Variants in FAHD2A observed in about 807,000 individuals in gnomAD.
FAHD2A encodes oxaloacetate tautomerase FAHD2A, mitochondrial.
In FAHD2A, 27 loss-of-function variants were observed where a neutral mutation model predicts 33.4. The ratio of observed to expected loss-of-function variants is 0.81; its 90% confidence interval spans 0.60 to 1.11. The LOEUF (loss-of-function observed/expected upper bound fraction) is 1.11, where lower values mean the gene tolerates loss of function less well. FAHD2A is among the 50% of genes most tolerant of loss of function. The pLI, the probability that FAHD2A is intolerant of heterozygous loss-of-function variation, is 0.00. For missense variants in FAHD2A, 296 were observed against 395.0 expected, an observed-to-expected ratio of 0.75 and a Z score of 2.12; for synonymous variants, 130 against 153.3, an observed-to-expected ratio of 0.85 and a Z score of 1.12.
At chr2:95,404,728 C>T (rs1351034542) in intron 1 of FAHD2A, among the ~76,000 whole-genome samples, 1 of 152,250 alleles carries the variant, frequency 6.6e-6, no homozygotes, top group Non-Finnish European at 1.5e-5. Flanking sequence ...CTTCTGTGCA[C>T]CAGGCACAGT....
rs1682790701 is a variant in FAHD2A at position 95,413,001 on chromosome 2, C to G, written c.*44C>G. On this transcript the variant is annotated 3_prime_UTR_variant, in exon 8 of 8. Coordinates refer to ENST00000233379, the MANE Select transcript of FAHD2A (RefSeq NM_016044.3). Reference sequence around the variant, plus strand: ...TGCACATAGGATGAGGGCATCTGCTCCCACTCAGCCTAGCCCAGGGAAAGG... The same window carrying G: ...TGCACATAGGATGAGGGCATCTGCTGCCACTCAGCCTAGCCCAGGGAAAGG... The G allele has an allele frequency of 6.2e-7, 1 of 1,608,038 alleles. No homozygotes were observed. The highest frequency in any genetic ancestry group is 2.2e-5 in the East Asian group (1 of 44,790).
intron 5 of FAHD2A, among the ~76,000 whole-genome samples, chr2:95,411,584 G>GCCTCAGCACCCCATGCAGAGT (rs1197620708): frequency 1.3e-5 from 2 of 152,220 alleles, no homozygotes; most frequent in Non-Finnish European, 2.9e-5. Context: ...AGACCCCAGT[G>GCCTCAGCACCCCATGCAGAGT]CCTCAGCACC....
intron 1 of FAHD2A, 199 bp downstream of exon 1, chr2:95,403,071 G>A (rs1379319479): frequency 6.6e-6 from 1 of 152,504 alleles, no homozygotes; most frequent in Non-Finnish European, 1.5e-5. Context: ...CAGGCGAGTG[G>A]ACGGTGGGAT....
Position 95,405,554 on chromosome 2 carries a change from C to T in FAHD2A, c.-5C>T. 1.9e-6 allele frequency: 3 copies of T among 1,609,382 alleles called. No homozygotes were observed. In the South Asian group the frequency reaches 3.3e-5, roughly 18 times the overall value. The stretch of plus-strand genomic sequence containing the variant: ...TGGATCCTGCATTTTTCTCTGCAGG[C>T]TCTGATGCTGGTGTCTGGTAGAAGA... On this transcript the variant is annotated splice_region_variant and 5_prime_UTR_variant, in exon 2 of 8. Coordinates refer to ENST00000233379, the MANE Select transcript of FAHD2A (RefSeq NM_016044.3).
In FAHD2A at chr2:95,415,243, A is replaced by G. The variant is rs1269543431; in HGVS notation, c.*2286A>G. 6.6e-6 allele frequency: 1 copy of G among 152,076 alleles called. No individual in the cohort carries two copies. Among genetic ancestry groups the G allele is most frequent in the Non-Finnish European group, 1.5e-5 (1 of 68,020 alleles). The allele number at this position is 152,076 out of a possible 1,614,324, so 9.4% of individuals were successfully genotyped here. On this transcript the variant is annotated 3_prime_UTR_variant, in exon 8 of 8. Coordinates refer to ENST00000233379, the MANE Select transcript of FAHD2A (RefSeq NM_016044.3). ...TATGCCAACTCCATGTCCACCAAGC[A>G]CTGCATGTAGGACAGGGCACAGTTT...
intron 3 of FAHD2A, among the ~76,000 whole-genome samples, chr2:95,410,172 C>T (rs1293810691): frequency 6.6e-6 from 1 of 152,206 alleles, no homozygotes; most frequent in Non-Finnish European, 1.5e-5. Context: ...GCCTGACACA[C>T]AGTAGGGTTA....
rs1353238532 is a variant in FAHD2A, at chr2:95,414,906, T to TA, written c.*1958dup. 54 of 150,342 alleles carry TA rather than the reference T, an allele frequency of 3.6e-4. No homozygotes were observed. The highest frequency in any genetic ancestry group is 5.9e-4 in the East Asian group (3 of 5,098). The allele number at this position is 150,342 out of a possible 1,614,324, so 9.3% of individuals were successfully genotyped here. A position where few individuals can be genotyped will look rare whatever the true frequency, so the allele number is the denominator to read the frequency against. On this transcript the variant is annotated 3_prime_UTR_variant, in exon 8 of 8. Coordinates refer to ENST00000233379, the MANE Select transcript of FAHD2A (RefSeq NM_016044.3). ...ATAAGCAGCCAGGGAAAGGCTTTCT[T>TA]AAAAAAAAACAAAAAACAAAACCAA... is the stretch of plus-strand genomic sequence containing the variant.
chr2:95,406,391 G>A (rs1280362606), intron 2 of FAHD2A, among the ~76,000 whole-genome samples: 14 of 148,844 alleles, frequency 9.4e-5, no homozygotes, highest in African/African-American at 3.5e-4. Flanking sequence ...AGTATTAACA[G>A]TATGTTCCCA....
downstream of FAHD2A, among the ~76,000 whole-genome samples, chr2:95,418,693 G>T (rs1683273821): frequency 6.6e-6 from 1 of 151,996 alleles, no homozygotes; most frequent in South Asian, 2.1e-4. Context: ...ATCGAGCTTG[G>T]CATTGATGAC....
chr2:95,407,864 ACT>A (rs1472597305), intron 3 of FAHD2A, among the ~76,000 whole-genome samples: 1 of 152,206 alleles, frequency 6.6e-6, no homozygotes. Flanking sequence ...AACACTGGTT[ACT>A]TTTTCTCTCA....
At chr2:95,420,494 T>G (rs1683300184), downstream of FAHD2A, among the ~76,000 whole-genome samples, 1 of 151,548 alleles carries the variant, frequency 6.6e-6, no homozygotes, top group Admixed American at 6.6e-5. Context: ...CATCATCCAG[T>G]CCCCATTCAC....
At chr2:95,412,402 G>T in intron 5 of FAHD2A, 32 bp from the exon 6 acceptor site, 1 of 1,612,608 alleles carries the variant, frequency 6.2e-7, no homozygotes, top group Non-Finnish European at 8.5e-7. Flanking sequence ...GGGGAAAAGG[G>T]ATAACTCCAA....
downstream of FAHD2A, among the ~76,000 whole-genome samples, chr2:95,417,666 GAAC>G (rs1310018969): frequency 6.6e-6 from 1 of 152,076 alleles, no homozygotes; most frequent in Non-Finnish European, 1.5e-5. Context: ...CTGCTGAAGG[GAAC>G]AACCATGGTC....
chr2:95,407,825 C>CA (rs1226990331), intron 3 of FAHD2A, among the ~76,000 whole-genome samples: 2 of 152,218 alleles, frequency 1.3e-5, no homozygotes, highest in Non-Finnish European at 2.9e-5. Flanking sequence ...GCAACTTACA[C>CA]ATCCACCAGT....
chr2:95,420,776 A>G (rs1683303126), downstream of FAHD2A, among the ~76,000 whole-genome samples: 1 of 152,026 alleles, frequency 6.6e-6, no homozygotes, highest in South Asian at 2.1e-4. Context: ...AAAGGAAGGA[A>G]TGGGGAACAT....
In FAHD2A at chr2:95,412,441, C is replaced by T. The variant is rs200308992; in HGVS notation, c.693C>T (p.His231=). 6.8e-6 allele frequency: 11 copies of T among 1,613,786 alleles called. No individual in the cohort carries two copies. Among genetic ancestry groups the T allele is most frequent in the East Asian group, 4.5e-5 (2 of 44,896 alleles). The stretch of plus-strand genomic sequence containing the variant: ...ACCATCTTTGCATTTCAGATCCACA[C>T]AACTTAAAGATCTGCTGCCGAGTGA... ...LVTKDSVADP[H]NLKICCRVNG... is the part of the protein sequence containing the mutation. The change falls in exon 6 of 8, where the codon CAC becomes CAT. Residue 231 remains histidine, a synonymous_variant. Transcript: ENST00000233379.
Position 95,402,778 on chromosome 2 carries a change from G to A in FAHD2A, c.-101G>A, listed in dbSNP as rs1414026768. 1 of 152,450 alleles carries A rather than the reference G, an allele frequency of 6.6e-6. No individual in the cohort carries two copies. The highest frequency in any genetic ancestry group is 1.5e-5 in the Non-Finnish European group (1 of 68,224). The allele number at this position is 152,450 out of a possible 1,614,324, so 9.4% of individuals were successfully genotyped here. On this transcript the variant is annotated 5_prime_UTR_variant, in exon 1 of 8. Coordinates refer to ENST00000233379, the MANE Select transcript of FAHD2A (RefSeq NM_016044.3). Reference sequence around the variant, plus strand: ...TGCTGCATTTCCCCGGCTGGCTGCGGTCACTGGTGGCAGTGCTCAGGCGCC... The same window carrying A: ...TGCTGCATTTCCCCGGCTGGCTGCGATCACTGGTGGCAGTGCTCAGGCGCC...
At chr2:95,420,368 A>C (rs946849413), downstream of FAHD2A, among the ~76,000 whole-genome samples, 20 of 152,056 alleles carry the variant, frequency 1.3e-4, no homozygotes, top group Non-Finnish European at 2.4e-4. Flanking sequence ...ATCATACCTT[A>C]AAGTATTTGC....
Position 95,412,440 on chromosome 2 carries a change from A to G in FAHD2A, c.692A>G (p.His231Arg), listed in dbSNP as rs139752567. ...LVTKDSVADP[H>R]NLKICCRVNG... ...TACCATCTTTGCATTTCAGATCCAC[A>G]CAACTTAAAGATCTGCTGCCGAGTG... Residue 231 changes from histidine to arginine, a missense_variant, in exon 6 of 8, where the codon CAC (histidine) becomes CGC (arginine). Coordinates refer to ENST00000233379, the MANE Select transcript of FAHD2A (RefSeq NM_016044.3). 8.5e-5 allele frequency: 137 copies of G among 1,613,794 alleles called. No individual in the cohort carries two copies. Among genetic ancestry groups the G allele is most frequent in the Non-Finnish European group, 1.2e-4 (136 of 1,179,880 alleles).
Sources: gnomAD v4.1 joint callset for allele counts (sites outside exome capture counted in the v4.1 genomes callset) on GRCh38, gnomAD v4.1.1 for gene constraint, MANE v1.5 for transcripts, NCBI Gene and HGNC (gene_info 2026-07-23, HGNC 2026-07-21) for gene names.